Variants in THSD7B observed in about 807,000 individuals in gnomAD.
THSD7B encodes thrombospondin type 1 domain containing 7B.
In THSD7B, 138 loss-of-function variants were observed where a neutral mutation model predicts 213.6. The ratio of observed to expected loss-of-function variants is 0.65; its 90% CI spans 0.56 to 0.74. The LOEUF (loss-of-function observed/expected upper bound fraction) is 0.74, where lower values mean the gene tolerates loss of function less well. Ranked by LOEUF, THSD7B falls within the 30% of genes least tolerant of loss-of-function variation. The probability of loss-of-function intolerance (pLI) is 0.00; values close to 1 mark genes in which losing one functional copy is unlikely to be tolerated. For synonymous variants in THSD7B, 742 were observed against 687.0 expected, an observed-to-expected ratio of 1.08 and a Z score of -1.25; for missense variants, 1,931 against 1,991.5, an observed-to-expected ratio of 0.97 and a Z score of 0.58.
chr2:136,947,804 G>T (rs2105068244), intron 2 of THSD7B, among the ~76,000 whole-genome samples: 1 of 151,698 alleles, frequency 6.6e-6, no homozygotes, highest in Non-Finnish European at 1.5e-5. Flanking sequence ...TTTAATGATT[G>T]ATACATTTTT....
At chr2:137,641,440 C>G (rs1482041093) in intron 20 of THSD7B, among the ~76,000 whole-genome samples, 3 of 152,172 alleles carry the variant, frequency 2.0e-5, no homozygotes, top group African/African-American at 7.2e-5. Flanking sequence ...TCCACAGAAC[C>G]CTGTTTTTCT....
intron 4 of THSD7B, among the ~76,000 whole-genome samples, chr2:137,098,198 G>A (rs1448817283): frequency 6.6e-6 from 1 of 152,172 alleles, no homozygotes; most frequent in Non-Finnish European, 1.5e-5. Context: ...AGAAGTAAAT[G>A]CATGCCTATT....
intron 22 of THSD7B, among the ~76,000 whole-genome samples, chr2:137,655,932 C>T (rs1683228264): frequency 6.6e-6 from 1 of 152,064 alleles, no homozygotes. Context: ...GGTATGTAGT[C>T]TAGCCCCTGT....
intron 1 of THSD7B, among the ~76,000 whole-genome samples, chr2:136,799,264 C>A (rs997931327): frequency 6.6e-6 from 1 of 151,498 alleles, no homozygotes; most frequent in Non-Finnish European, 1.5e-5. Flanking sequence ...TTCTTAGATT[C>A]TTACAAAATG....
At chr2:137,534,349 A>G (rs1366900953) in intron 15 of THSD7B, among the ~76,000 whole-genome samples, 5 of 151,730 alleles carry the variant, frequency 3.3e-5, no homozygotes, top group South Asian at 2.1e-4. Context: ...TTGTGAATAC[A>G]GGATAGTATT....
At chr2:137,132,256 C>A (rs956818460) in intron 5 of THSD7B, among the ~76,000 whole-genome samples, 1 of 151,110 alleles carries the variant, frequency 6.6e-6, no homozygotes, top group East Asian at 1.9e-4. Context: ...GCTGAAGTTG[C>A]TTATCAGCTT....
chr2:137,072,399 C>T (rs908174377), intron 3 of THSD7B, among the ~76,000 whole-genome samples: 2 of 149,338 alleles, frequency 1.3e-5, no homozygotes, highest in African/African-American at 2.5e-5. Context: ...CATGATTTGG[C>T]TCTCTGTCTG....
intron 1 of THSD7B, among the ~76,000 whole-genome samples, chr2:136,790,669 G>C (rs1441057337): frequency 6.6e-6 from 1 of 152,086 alleles, no homozygotes; most frequent in African/African-American, 2.4e-5. Flanking sequence ...ATGATAGTTA[G>C]CATATTGGGG....
intron 2 of THSD7B, among the ~76,000 whole-genome samples, chr2:136,938,713 T>C (rs922959905): frequency 1.3e-5 from 2 of 152,208 alleles, no homozygotes; most frequent in African/African-American, 2.4e-5. Context: ...CTGGGAAGGT[T>C]GCATTTGATG....
rs753064605 is a variant in THSD7B at position 137,563,224 on chromosome 2, C to T, written c.3142C>T (p.His1048Tyr). 2 of 1,613,090 alleles carry T rather than the reference C, an allele frequency of 1.2e-6. No homozygotes were observed. The highest frequency in any genetic ancestry group is 1.7e-6 in the Non-Finnish European group (2 of 1,179,392). Residue 1048 changes from histidine to tyrosine, a missense_variant, in exon 16 of 28, where the codon CAT (histidine) becomes TAT (tyrosine). His to Tyr is a moderately conservative substitution (Grantham distance 83, BLOSUM62 2). Coordinates refer to ENST00000409968, the MANE Select transcript of THSD7B (RefSeq NM_001316349.2). The stretch of plus-strand genomic sequence containing the variant: ...GTTTCTTTCCTGTTCTTGACAGGTA[C>T]ATGAGGCAGTCCCATGTTACAGTGA... ...CPKLDLKNQV[H>Y]EAVPCYSECN...
chr2:136,769,656 A>T (rs1254003989), intron 1 of THSD7B, among the ~76,000 whole-genome samples: 1 of 151,952 alleles, frequency 6.6e-6, no homozygotes, highest in Non-Finnish European at 1.5e-5. Context: ...CGCTAAATTC[A>T]TATTAATTTT....
intron 12 of THSD7B, among the ~76,000 whole-genome samples, chr2:137,292,389 C>T (rs1683357181): frequency 6.6e-6 from 1 of 152,102 alleles, no homozygotes; most frequent in Non-Finnish European, 1.5e-5. Context: ...AGTTGCAAAA[C>T]TGCAAACTCA....
At chr2:137,446,036 C>T (rs1157198049) in intron 14 of THSD7B, among the ~76,000 whole-genome samples, 3 of 150,470 alleles carry the variant, frequency 2.0e-5, no homozygotes, top group African/African-American at 7.4e-5. Flanking sequence ...AAAAAAAAAT[C>T]TGTTTCCTTT....
chr2:137,459,569 G>A (rs1358502295), intron 15 of THSD7B, among the ~76,000 whole-genome samples: 1 of 152,078 alleles, frequency 6.6e-6, no homozygotes, highest in Non-Finnish European at 1.5e-5. Context: ...GAAGGCTGAG[G>A]CAGGAGAATT....
Position 137,411,634 on chromosome 2 carries a change from C to T in THSD7B, c.2721C>T (p.Cys907=), listed in dbSNP as rs746948218. The change falls in exon 14 of 28, where the codon TGC becomes TGT. Residue 907 remains cysteine, a synonymous_variant. Transcript: ENST00000409968. ...LTGKSRKKEK[C]QDSDLYPLVE... The stretch of plus-strand genomic sequence containing the variant: ...GGAAAAGCAGAAAGAAGGAGAAATG[C>T]CAGGATTCTGACCTTTACCCTCTAG... 4.3e-5 allele frequency: 70 copies of T among 1,611,960 alleles called. No homozygotes were observed. The highest frequency in any genetic ancestry group is 8.5e-7 in the Non-Finnish European group (1 of 1,178,546).
At chr2:137,650,977 A>G (rs961147784) in intron 21 of THSD7B, among the ~76,000 whole-genome samples, 4 of 152,134 alleles carry the variant, frequency 2.6e-5, no homozygotes, top group African/African-American at 7.2e-5. Flanking sequence ...TTGGTTTGCT[A>G]ATATTTTGAT....
At chr2:136,821,658 C>A (rs546159421) in intron 1 of THSD7B, among the ~76,000 whole-genome samples, 1 of 152,284 alleles carries the variant, frequency 6.6e-6, no homozygotes, top group South Asian at 2.1e-4. Context: ...AGTTAGAAGA[C>A]CAGGAGCTCT....
intron 17 of THSD7B, among the ~76,000 whole-genome samples, chr2:137,598,787 T>A (rs1682015444): frequency 6.6e-6 from 1 of 152,190 alleles, no homozygotes; most frequent in South Asian, 2.1e-4. Flanking sequence ...CATAATTCAA[T>A]GATTTGCAAC....
intron 9 of THSD7B, among the ~76,000 whole-genome samples, chr2:137,237,693 C>T (rs1329975643): frequency 6.6e-6 from 1 of 152,068 alleles, no homozygotes; most frequent in Non-Finnish European, 1.5e-5. Flanking sequence ...TTGGGGAGAA[C>T]CTAGGTTCCT....
Sources: gnomAD v4.1 joint callset for allele counts (sites outside exome capture counted in the v4.1 genomes callset) on GRCh38, gnomAD v4.1.1 for gene constraint, MANE v1.5 for transcripts, NCBI Gene and HGNC (gene_info 2026-07-23, HGNC 2026-07-21) for gene names.